The following ANKFN1 variants were observed in gnomAD, a reference collection of about 807,000 sequenced individuals.
ANKFN1 encodes ankyrin repeat and fibronectin type-III domain-containing protein 1.
ANKFN1 carries 74 observed loss-of-function variants against 108.7 expected under a neutral mutation model. The ratio of observed to expected loss-of-function variants is 0.68; its 90% CI spans 0.56 to 0.83. The LOEUF (loss-of-function observed/expected upper bound fraction) is 0.83. ANKFN1 is among the 40% of genes least tolerant of loss of function. The pLI is 0.00. For missense variants in ANKFN1, 1,505 were observed against 1,382.3 expected (o/e 1.09, Z -1.41); for synonymous variants, 547 against 516.2 (o/e 1.06, Z -0.81).
rs534020098 is a variant in ANKFN1 at position 56,155,081 on chromosome 17, G to A, written c.-71+1551G>A. Among the ~76,000 whole-genome samples the A allele has an allele frequency of 1.1e-4, 17 of 152,296 alleles. No individual in the cohort carries two copies. In the East Asian group the frequency reaches 2.9e-3, roughly 26 times the overall value. ...AGGAGGGTTTGGGAGAGGGAGGCCC[G>A]TCTGGTCAAGAACAGCTGCTGCAAA... On this transcript the variant is annotated intron_variant, in intron 1 of 20. Coordinates refer to ENST00000682825, the MANE Select transcript of ANKFN1 (RefSeq NM_001370326.1).
chr17:56,398,951 A>T (rs1248198275), intron 8 of ANKFN1, among the ~76,000 whole-genome samples: 2 of 152,180 alleles, frequency 1.3e-5, no homozygotes, highest in Non-Finnish European at 2.9e-5. Flanking sequence ...AAAATAATTA[A>T]GCAATGCCAT....
At chr17:56,287,377 A>T (rs1021698372) in intron 3 of ANKFN1, among the ~76,000 whole-genome samples, 5 of 152,094 alleles carry the variant, frequency 3.3e-5, no homozygotes, top group Non-Finnish European at 5.9e-5. Flanking sequence ...CCTGACTTTC[A>T]GTTTTCTTAT....
At chr17:56,049,369 C>T (rs1904734447) in intron 4 of ANKFN1, among the ~76,000 whole-genome samples, 1 of 149,932 alleles carries the variant, frequency 6.7e-6, no homozygotes, top group East Asian at 2.0e-4. Flanking sequence ...ACTTTCCTAC[C>T]ATATAGAAGC....
In ANKFN1 at chr17:56,220,808, GAGGA is replaced by G. The variant is rs1223599660; in HGVS notation, c.13-7089_13-7086del. Among the ~76,000 whole-genome samples, 113 of 66,884 alleles carry G rather than the reference GAGGA, an allele frequency of 1.7e-3. 6 individuals carry two copies. Among genetic ancestry groups the G allele is most frequent in the African/African-American group, 4.7e-3 (52 of 11,154 alleles). 43.9% of individuals were successfully genotyped at this position (66,884 alleles called of 152,430 possible). A position where few individuals can be genotyped will look rare whatever the true frequency, so the allele number is the denominator to read the frequency against. On this transcript the variant is annotated intron_variant, in intron 2 of 20. Coordinates refer to ENST00000682825, the MANE Select transcript of ANKFN1 (RefSeq NM_001370326.1). ...GAAGGAAGGGAGGAAGGGAGGGAGG[GAGGA>G]AGGAAGGAAGGAAGGAAGGGAGGAA...
chr17:56,110,324 T>A (rs1367693), intron 4 of ANKFN1, among the ~76,000 whole-genome samples: 181 of 152,042 alleles, frequency 1.2e-3, no homozygotes, highest in Non-Finnish European at 2.2e-3. Flanking sequence ...ACTAATTTGT[T>A]TACTTTTCGG....
Position 56,480,810 on chromosome 17 carries a change from C to G in ANKFN1, c.2083C>G (p.Leu695Val), listed in dbSNP as rs75589369. The change falls in exon 17 of 21, where the codon CTA (leucine) becomes GTA (valine). Residue 695 changes from leucine to valine, a missense_variant. Leu to Val is a conservative substitution (Grantham distance 32). Coordinates refer to ENST00000682825, the MANE Select transcript of ANKFN1 (RefSeq NM_001370326.1). ...TCTCCTTCAGCAGATCAATATACCT[C>G]TACACCAGGTACTAGACTTTACCAT... is the stretch of plus-strand genomic sequence containing the variant. Reference protein sequence around the residue: ...KALLQQINIPLHQARNFRLYT... With the variant: ...KALLQQINIPVHQARNFRLYT... The G allele has an allele frequency of 3.1e-6, 5 of 1,613,576 alleles. No homozygotes were observed. Among genetic ancestry groups the G allele is most frequent in the African/African-American group, 2.7e-5 (2 of 74,818 alleles).
chr17:56,121,045 T>A (rs1906585440), intron 4 of ANKFN1, among the ~76,000 whole-genome samples: 1 of 152,128 alleles, frequency 6.6e-6, no homozygotes, highest in African/African-American at 2.4e-5. Context: ...TAGTGATTAA[T>A]CTTCTCGGAA....
At chr17:56,057,509 G>T (rs189986524) in intron 4 of ANKFN1, among the ~76,000 whole-genome samples, 27 of 152,276 alleles carry the variant, frequency 1.8e-4, no homozygotes, top group African/African-American at 5.1e-4. Context: ...TTGAAGGCTG[G>T]GCACAGTGGC....
At chr17:56,051,407 T>C (rs1904772117) in intron 4 of ANKFN1, among the ~76,000 whole-genome samples, 1 of 132,100 alleles carries the variant, frequency 7.6e-6, no homozygotes, top group African/African-American at 2.9e-5. Context: ...TAGGTATTGA[T>C]GGGACATATC....
intron 3 of ANKFN1, among the ~76,000 whole-genome samples, chr17:56,322,692 C>T (rs1291548633): frequency 6.6e-6 from 1 of 152,196 alleles, no homozygotes; most frequent in African/African-American, 2.4e-5. Flanking sequence ...GTAGAGAGAT[C>T]TTCATTCCTC....
At chr17:56,329,310 C>T (rs923324480) in intron 4 of ANKFN1, among the ~76,000 whole-genome samples, 2 of 152,108 alleles carry the variant, frequency 1.3e-5, no homozygotes, top group Non-Finnish European at 2.9e-5. Flanking sequence ...ACTGACTTAC[C>T]AGTGACACCA....
chr17:56,322,724 C>A (rs2045406341), intron 3 of ANKFN1, among the ~76,000 whole-genome samples: 1 of 152,200 alleles, frequency 6.6e-6, no homozygotes, highest in South Asian at 2.1e-4. Flanking sequence ...CAAACGCCAC[C>A]TTCTCTGTGA....
intron 1 of ANKFN1, among the ~76,000 whole-genome samples, chr17:56,154,991 GA>G (rs1908966422): frequency 6.6e-6 from 1 of 152,188 alleles, no homozygotes; most frequent in South Asian, 2.1e-4. Context: ...GTTTAAACGA[GA>G]ACAGTGTTTT....
chr17:56,223,432 A>G (rs2143880965), intron 2 of ANKFN1, among the ~76,000 whole-genome samples: 1 of 152,350 alleles, frequency 6.6e-6, no homozygotes, highest in East Asian at 1.9e-4. Flanking sequence ...AAGAAATCAA[A>G]ACACAAGGAG....
At chr17:56,432,356 A>G (rs2048785549) in intron 8 of ANKFN1, among the ~76,000 whole-genome samples, 1 of 152,234 alleles carries the variant, frequency 6.6e-6, no homozygotes, top group African/African-American at 2.4e-5. Flanking sequence ...CAGTGTCCTA[A>G]AAGTGCTTAT....
intron 4 of ANKFN1, among the ~76,000 whole-genome samples, chr17:56,349,719 A>G (rs2046198116): frequency 2.0e-5 from 3 of 152,160 alleles, no homozygotes; most frequent in Admixed American, 2.0e-4. Context: ...AATTATATAA[A>G]TGTACTAAAT....
At chr17:56,113,234 G>A (rs1906075367) in intron 4 of ANKFN1, among the ~76,000 whole-genome samples, 1 of 152,140 alleles carries the variant, frequency 6.6e-6, no homozygotes, top group Non-Finnish European at 1.5e-5. Flanking sequence ...CCAAGGTTGG[G>A]AGTGAGGTGG....
intron 3 of ANKFN1, among the ~76,000 whole-genome samples, chr17:56,239,287 T>G (rs1346938067): frequency 6.6e-6 from 1 of 152,102 alleles, no homozygotes; most frequent in East Asian, 1.9e-4. Flanking sequence ...AAAAATACAG[T>G]TAGATAGAAG....
rs1219848397 is a variant in ANKFN1 at position 56,457,390 on chromosome 17, G to A, written c.1440+1G>A. The stretch of plus-strand genomic sequence containing the variant: ...ACAAGATTTTCTGTGGTTCACGAAG[G>A]TATACTAAGTTCTGATTTCATTTTT... On this transcript the variant is annotated splice_donor_variant, in intron 13 of 20. Transcript: ENST00000682825. LOFTEE classifies it high-confidence loss of function. 6.3e-7 allele frequency: 1 copy of A among 1,581,512 alleles called. No homozygotes were observed. The highest frequency in any genetic ancestry group is 8.5e-7 in the Non-Finnish European group (1 of 1,170,998).
Sources: gnomAD v4.1 joint callset for allele counts (sites outside exome capture counted in the v4.1 genomes callset) on GRCh38, gnomAD v4.1.1 for gene constraint, MANE v1.5 for transcripts, NCBI Gene and HGNC (gene_info 2026-07-23, HGNC 2026-07-21) for gene names.